PCDH11X: variants seen among roughly 807,000 people sequenced by gnomAD.
PCDH11X encodes the protein protocadherin 11 X-linked, also known as protocadherin-11 X-linked.
Under a neutral mutation model 53.3 loss-of-function variants are expected in PCDH11X, and 18 were observed. The observed-to-expected ratio is 0.34, with a 90% confidence interval of 0.23 to 0.50. The LOEUF (loss-of-function observed/expected upper bound fraction) is 0.50, where lower values mean the gene tolerates loss of function less well. Among genes scored for constraint, PCDH11X ranks in the 20% least tolerant of loss-of-function variants. The pLI is 0.98. For synonymous variants in PCDH11X, 279 were observed against 393.3 expected, an observed-to-expected ratio of 0.71 and a Z score of 3.44; for missense variants, 570 against 1,032.4, an observed-to-expected ratio of 0.55 and a Z score of 6.14.
chrX:91,867,850 C>T (rs1939074650), intron 5 of PCDH11X, among the ~76,000 whole-genome samples: 1 of 111,545 alleles, frequency 9.0e-6, no homozygotes, highest in African/African-American at 3.3e-5. Context: ...AAAAAAGACA[C>T]GTCTATGATT....
chrX:91,883,601 T>A, intron 6 of PCDH11X: 4 of 616,617 alleles, frequency 6.5e-6, no homozygotes, highest in Non-Finnish European at 7.8e-6. Context: ...GTCAGGAGAT[T>A]GAGACCATCC....
At chrX:91,983,110 C>T (rs1022137672) in intron 6 of PCDH11X, 26 of 1,055,944 alleles carry the variant, frequency 2.5e-5, no homozygotes, top group African/African-American at 1.3e-4. Context: ...CCAGCAATGT[C>T]GAAATCTATG....
intron 10 of PCDH11X, among the ~76,000 whole-genome samples, chrX:92,559,668 G>A: frequency 9.0e-6 from 1 of 110,887 alleles, no homozygotes; most frequent in East Asian, 2.8e-4. Context: ...CAGTGACTGG[G>A]GGACTTTACA....
chrX:91,875,964 G>T (rs1057402362), intron 5 of PCDH11X, among the ~76,000 whole-genome samples: 3 of 110,991 alleles, frequency 2.7e-5, no homozygotes, highest in African/African-American at 9.9e-5. Flanking sequence ...TACTGAAAAA[G>T]CATCTTAGGC....
At chrX:92,014,898 GTGGGGATGGATAGCATTAGGAGATATACC>G (rs2062763981) in intron 6 of PCDH11X, among the ~76,000 whole-genome samples, 1 of 110,478 alleles carries the variant, frequency 9.1e-6, no homozygotes, top group Admixed American at 9.7e-5. Flanking sequence ...GGTGGGGGGA[GTGGGGATGGATAGCATTAGGAGATATACC>G]TAATGTTAAA....
intron 1 of PCDH11X, among the ~76,000 whole-genome samples, chrX:91,796,339 T>C (rs1200446622): frequency 1.8e-5 from 2 of 111,770 alleles, no homozygotes; most frequent in African/African-American, 6.5e-5. Flanking sequence ...GTAAATTCTT[T>C]TAAGAAATAA....
chrX:92,429,500 A>G (rs1029920192), intron 9 of PCDH11X, among the ~76,000 whole-genome samples: 15 of 107,599 alleles, frequency 1.4e-4, no homozygotes, highest in African/African-American at 5.1e-4. Context: ...TTTTAAAATA[A>G]TAATCCACCC....
At chrX:92,104,769 G>A (rs997864498) in intron 6 of PCDH11X, among the ~76,000 whole-genome samples, 2 of 110,329 alleles carry the variant, frequency 1.8e-5, no homozygotes, top group African/African-American at 6.6e-5. Context: ...CTCCAGAAAA[G>A]CAGAGAAAGA....
rs181305566 is a variant in PCDH11X, at chrX:92,605,771, T to C, written c.3368-12493T>C. Among the ~76,000 whole-genome samples, 750 of 111,745 alleles carry C rather than the reference T, an allele frequency of 6.7e-3. 9 individuals are homozygous for C. Among genetic ancestry groups the C allele is most frequent in the African/African-American group, 0.023 (714 of 30,820 alleles). ...TTAGAAATAAATTTAACAAAAGTCC[T>C]TCTTATCTTCTAAAAATTCTAAACT... On this transcript the variant is annotated intron_variant, in intron 10 of 10. Transcript: ENST00000682573.
chrX:92,405,992 G>A (rs1323066806), intron 9 of PCDH11X, among the ~76,000 whole-genome samples: 1 of 106,410 alleles, frequency 9.4e-6, no homozygotes, highest in Non-Finnish European at 1.9e-5. Context: ...CTACGCGGGA[G>A]GCTGAGGCAG....
chrX:91,840,225 A>C (rs1937476137), intron 5 of PCDH11X, among the ~76,000 whole-genome samples: 1 of 111,789 alleles, frequency 8.9e-6, no homozygotes, highest in South Asian at 3.7e-4. Flanking sequence ...TTTCTGCTTC[A>C]AATTTCCATC....
intron 8 of PCDH11X, among the ~76,000 whole-genome samples, chrX:92,275,983 C>G (rs181704634): frequency 1.8e-5 from 2 of 109,882 alleles, no homozygotes; most frequent in Non-Finnish European, 3.8e-5. Flanking sequence ...CAATGAGATG[C>G]GGCTATAGTC....
chrX:92,154,000 A>G (rs2065484550), intron 6 of PCDH11X, among the ~76,000 whole-genome samples: 1 of 111,832 alleles, frequency 8.9e-6, no homozygotes, highest in South Asian at 3.7e-4. Flanking sequence ...AATTTTTTAA[A>G]TATGAGCCAT....
intron 9 of PCDH11X, among the ~76,000 whole-genome samples, chrX:92,423,824 T>C (rs1309829624): frequency 6.2e-5 from 6 of 97,556 alleles, no homozygotes; most frequent in Non-Finnish European, 1.4e-4. Flanking sequence ...ATTTCTGGGT[T>C]CTCTATTCTG....
chrX:91,999,021 C>A (rs912252698), intron 6 of PCDH11X, among the ~76,000 whole-genome samples: 1 of 110,006 alleles, frequency 9.1e-6, no homozygotes, highest in African/African-American at 3.3e-5. Context: ...TCAAAGGATC[C>A]TCCCACCTCA....
chrX:91,854,540 A>G (rs1938212180), intron 5 of PCDH11X, among the ~76,000 whole-genome samples: 1 of 112,188 alleles, frequency 8.9e-6, no homozygotes, highest in Non-Finnish European at 1.9e-5. Flanking sequence ...CTGGATTGTA[A>G]TGGTAGCTCA....
chrX:92,295,539 C>T (rs1261732674), intron 8 of PCDH11X, among the ~76,000 whole-genome samples: 1 of 109,924 alleles, frequency 9.1e-6, no homozygotes, highest in Admixed American at 9.9e-5. Context: ...TCCAGTGCAA[C>T]ACGTTAGAAA....
intron 8 of PCDH11X, among the ~76,000 whole-genome samples, chrX:92,284,986 T>C (rs2148449258): frequency 9.0e-6 from 1 of 111,382 alleles, no homozygotes; most frequent in Non-Finnish European, 1.9e-5. Flanking sequence ...TTAAAAGCAC[T>C]TTTTTCCACT....
rs1452227346 is a variant in PCDH11X at position 91,988,974 on chromosome X, G to T, written c.3033+109701G>T. On this transcript the variant is annotated intron_variant, in intron 6 of 10. Coordinates refer to ENST00000682573, the MANE Select transcript of PCDH11X (RefSeq NM_032968.5). ...GCTGAAGGAACCCTAAATTGGGTTT[G>T]GTTTTCTGCATCTATTACCTCATAT... Among the ~76,000 whole-genome samples, 28 of 111,243 alleles carry T rather than the reference G, an allele frequency of 2.5e-4. No individual in the cohort carries two copies. In the Admixed American group the frequency reaches 2.7e-3, roughly 11 times the overall value.
Sources: allele counts gnomAD v4.1 joint callset (sites outside exome capture counted in the v4.1 genomes callset), GRCh38; gene constraint gnomAD v4.1.1; transcripts MANE v1.5; gene names NCBI Gene and HGNC (gene_info 2026-07-23, HGNC 2026-07-21).